SCUBE3: variants seen among roughly 807,000 people sequenced by gnomAD.
The protein encoded by SCUBE3 is signal peptide, CUB and EGF-like domain-containing protein 3.
In SCUBE3, 33 loss-of-function variants were observed where a neutral mutation model predicts 116.8. The observed-to-expected ratio is 0.28, with a 90% CI of 0.21 to 0.38. The LOEUF (loss-of-function observed/expected upper bound fraction) is 0.38, where lower values mean the gene tolerates loss of function less well. Among genes scored for constraint, SCUBE3 ranks in the 10% least tolerant of loss-of-function variants. SCUBE3 has a pLI of 1.00. For synonymous variants in SCUBE3, 418 were observed against 496.9 expected (o/e 0.84, Z 2.11); for missense variants, 1,007 against 1,324.8 (o/e 0.76, Z 3.72).
rs1430261181 is a variant in SCUBE3, at chr6:35,232,553, G to A, written c.470-297G>A. 6.6e-6 allele frequency among the ~76,000 whole-genome samples: 1 copy of A among 152,090 alleles called. No homozygotes were observed. The highest frequency in any genetic ancestry group is 1.5e-5 in the Non-Finnish European group (1 of 68,024). On this transcript the variant is annotated intron_variant, in intron 4 of 21. Transcript: ENST00000274938. The surrounding 1 kb of genome is among the most constrained non-coding windows in gnomAD (Gnocchi z 4.2). ...TCCACCCCATCTCCAGCACAGTGCTGGACACCTATTATACACAATGTTTTG... is the reference window on the plus strand; with the variant it reads ...TCCACCCCATCTCCAGCACAGTGCTAGACACCTATTATACACAATGTTTTG...
rs1254403828 is a variant in SCUBE3, at chr6:35,214,836, CTT to C, written c.85+334_85+335del. On this transcript the variant is annotated intron_variant, in intron 1 of 21. Transcript: ENST00000274938. This position sits in a 1 kb window ranked among gnomAD's most constrained non-coding sequence, Gnocchi z 6.3. ...TCCAAAATCTGAGAGAGAATTTTCTCTTCTCTCAAACATTGCCAGAAACTTAC... is the reference window on the plus strand; with the variant it reads ...TCCAAAATCTGAGAGAGAATTTTCTCCTCTCAAACATTGCCAGAAACTTAC... Among the ~76,000 whole-genome samples the C allele has an allele frequency of 6.6e-6, 1 of 152,230 alleles. No homozygotes were observed. Among genetic ancestry groups the C allele is most frequent in the African/African-American group, 2.4e-5 (1 of 41,456 alleles).
In SCUBE3 at chr6:35,231,801, C is replaced by T. The variant is rs1783562227; in HGVS notation, c.411C>T (p.His137=). Residue 137 remains histidine, a synonymous_variant, in exon 4 of 22, where the codon CAC becomes CAT. Coordinates refer to ENST00000274938, the MANE Select transcript of SCUBE3 (RefSeq NM_152753.4). The surrounding 1 kb of genome is among the most constrained non-coding windows in gnomAD (Gnocchi z 4.2). The stretch of plus-strand genomic sequence containing the variant: ...ACATGATGGGCAGCTATGAGTGCCA[C>T]TGCCGGGAAGGCTTCTTCCTCAGCG... ...CVNMMGSYEC[H]CREGFFLSDN... 6.2e-7 allele frequency: 1 copy of T among 1,613,694 alleles called. No homozygotes were observed. The highest frequency in any genetic ancestry group is 1.1e-5 in the South Asian group (1 of 91,082).
At chr6:35,248,204 T>C (rs1784429437) in intron 21 of SCUBE3, among the ~76,000 whole-genome samples, 1 of 152,234 alleles carries the variant, frequency 6.6e-6, no homozygotes, top group South Asian at 2.1e-4. Flanking sequence ...AGGAGGCTAC[T>C]ACAGTACTCC....
intron 3 of SCUBE3, among the ~76,000 whole-genome samples, chr6:35,230,308 G>A (rs971005183): frequency 6.6e-6 from 1 of 152,154 alleles, no homozygotes; most frequent in South Asian, 2.1e-4. Context: ...GCCCCTGATT[G>A]TCACCACATC....
Position 35,248,997 on chromosome 6 carries a change from T to G in SCUBE3, c.*292T>G. ...AAAGAAACAGTACAGCCCCTTCCAC[T>G]GCCCATTTTACCAGCTCACATTCCC... On this transcript the variant is annotated 3_prime_UTR_variant, in exon 22 of 22. Transcript: ENST00000274938. The G allele has an allele frequency of 9.6e-6, 3 of 311,082 alleles. No individual in the cohort carries two copies. Among genetic ancestry groups the G allele is most frequent in the Non-Finnish European group, 5.9e-6 (1 of 169,210 alleles). 19.3% of individuals were successfully genotyped at this position (311,082 alleles called of 1,614,324 possible). A position where few individuals can be genotyped will look rare whatever the true frequency, so the allele number is the denominator to read the frequency against.
At chr6:35,226,782 C>G (rs944092826) in intron 1 of SCUBE3, among the ~76,000 whole-genome samples, 7 of 152,198 alleles carry the variant, frequency 4.6e-5, no homozygotes, top group Non-Finnish European at 1.0e-4. Context: ...CTGGCATCAT[C>G]TATGTCCTTT....
intron 12 of SCUBE3, 141 bp downstream of exon 12, chr6:35,242,051 T>G: frequency 2.4e-6 from 2 of 837,524 alleles, no homozygotes; most frequent in Non-Finnish European, 4.1e-6. Context: ...GCTCCCTCAC[T>G]CCCTCTGCCC....
chr6:35,227,509 AAG>A, intron 1 of SCUBE3, 69 bp from the exon 2 acceptor site: 1 of 1,571,390 alleles, frequency 6.4e-7, no homozygotes, highest in Admixed American at 1.7e-5. Flanking sequence ...CTGCCCTTGG[AAG>A]CCCACCTTCA....
rs116460601 is a variant in SCUBE3 at position 35,217,917 on chromosome 6, A to G, written c.85+3414A>G. On this transcript the variant is annotated intron_variant, in intron 1 of 21. Coordinates refer to ENST00000274938, the MANE Select transcript of SCUBE3 (RefSeq NM_152753.4). ...TCCCTTTGACCTCTCTTCTCTCATGACATGTCTCAGAGGTGGGGAAAGCCT... is the reference window on the plus strand; with the variant it reads ...TCCCTTTGACCTCTCTTCTCTCATGGCATGTCTCAGAGGTGGGGAAAGCCT... Among the ~76,000 whole-genome samples the G allele has an allele frequency of 7.3e-3, 1,108 of 152,200 alleles. 9 individuals carry two copies. The highest frequency in any genetic ancestry group is 0.016 in the African/African-American group (662 of 41,520).
In SCUBE3 at chr6:35,249,027, C is replaced by T. The variant is rs1784461413; in HGVS notation, c.*322C>T. On this transcript the variant is annotated 3_prime_UTR_variant, in exon 22 of 22. Transcript: ENST00000274938. ...ATTTTACCAGCTCACATTCCCGACC[C>T]CATCAGCTTGGAAGGGTGCTAGAGG... The T allele has an allele frequency of 4.0e-6, 1 of 251,004 alleles. No individual in the cohort carries two copies. Among genetic ancestry groups the T allele is most frequent in the Admixed American group, 5.0e-5 (1 of 19,926 alleles). 15.5% of individuals were successfully genotyped at this position (251,004 alleles called of 1,614,324 possible).
At chr6:35,217,620 C>T (rs964828304) in intron 1 of SCUBE3, among the ~76,000 whole-genome samples, 3 of 151,962 alleles carry the variant, frequency 2.0e-5, no homozygotes, top group African/African-American at 4.8e-5. Context: ...CTTTCCTCCC[C>T]GCTTCCCTGG....
chr6:35,228,583 T>C lies in SCUBE3; in HGVS notation c.209-31T>C. 1 of 1,611,484 alleles carries C rather than the reference T, an allele frequency of 6.2e-7. No individual in the cohort carries two copies. On this transcript the variant is annotated intron_variant, in intron 2 of 21. Transcript: ENST00000274938. This position sits in a 1 kb window ranked among gnomAD's most constrained non-coding sequence, Gnocchi z 4.9. ...GGTGGACAGTGGGTTCGCAGGTGGG[T>C]TCAGCTGTCTCAGCTTCCCTTTGCC...
intron 6 of SCUBE3, among the ~76,000 whole-genome samples, chr6:35,234,514 G>A (rs1406805670): frequency 1.3e-5 from 2 of 152,134 alleles, no homozygotes; most frequent in East Asian, 1.9e-4. Context: ...CCCCTGCCAC[G>A]TTTCCCTCTG....
rs180966540 is a variant in SCUBE3 at position 35,235,436 on chromosome 6, T to C, written c.712+2135T>C. 4.8e-3 allele frequency: 6,189 copies of C among 1,281,648 alleles called. 38 individuals are homozygous for C. The highest frequency in any genetic ancestry group is 0.016 in the African/African-American group (1,032 of 65,910). 79.4% of individuals were successfully genotyped at this position (1,281,648 alleles called of 1,614,324 possible). The stretch of plus-strand genomic sequence containing the variant: ...CAGCACCTAAACAGCTTTTTTACAA[T>C]GTCAAACAGGGGAAAGGCGGCTAGA... On this transcript the variant is annotated intron_variant, in intron 6 of 21. Transcript: ENST00000274938. This position sits in a 1 kb window ranked among gnomAD's most constrained non-coding sequence, Gnocchi z 4.5.
At chr6:35,215,399 CT>C (rs1255246537) in intron 1 of SCUBE3, among the ~76,000 whole-genome samples, 2 of 152,142 alleles carry the variant, frequency 1.3e-5, no homozygotes, top group African/African-American at 4.8e-5. Context: ...GGGACAGTTT[CT>C]CCTCCCCCTT....
In SCUBE3 at chr6:35,244,066, T is replaced by A; in HGVS notation, c.2175T>A (p.Pro725=). The change falls in exon 17 of 22, where the codon CCT becomes CCA. Residue 725 remains proline (P), a synonymous_variant. Transcript: ENST00000274938. The surrounding 1 kb of genome is among the most constrained non-coding windows in gnomAD (Gnocchi z 4.3). ...QPEAGRTLCF[P]CGGGLTTKHE... The stretch of plus-strand genomic sequence containing the variant: ...AAGCAGGACGGACCCTATGCTTCCC[T>A]TGTGGTGGGGGCCTCACCACCAAGC... 1 of 1,614,106 alleles carries A rather than the reference T, an allele frequency of 6.2e-7. No homozygotes were observed. Among genetic ancestry groups the A allele is most frequent in the Non-Finnish European group, 8.5e-7 (1 of 1,179,970 alleles).
At chr6:35,242,439 A>G (rs1784114003) in intron 13 of SCUBE3, 119 bp downstream of exon 13, 10 of 936,418 alleles carry the variant, frequency 1.1e-5, no homozygotes, top group Non-Finnish European at 1.5e-5. Flanking sequence ...GCAGAGGAAA[A>G]AGCAGCTGTA....
chr6:35,245,173 T>C lies in SCUBE3; in HGVS notation c.2402-55T>C, dbSNP rs548226993. 1 of 1,520,580 alleles carries C rather than the reference T, an allele frequency of 6.6e-7. No homozygotes were observed. Among genetic ancestry groups the C allele is most frequent in the African/African-American group, 1.4e-5 (1 of 73,216 alleles). The allele number at this position is 1,520,580 out of a possible 1,614,324, so 94.2% of individuals were successfully genotyped here. A position where few individuals can be genotyped will look rare whatever the true frequency, so the allele number is the denominator to read the frequency against. The stretch of plus-strand genomic sequence containing the variant: ...GAACTCTTCAATTCCCCCAGCACAC[T>C]TCCCCACTGACTTCCCTTCTCTGTC... On this transcript the variant is annotated intron_variant, in intron 18 of 21. Coordinates refer to ENST00000274938, the MANE Select transcript of SCUBE3 (RefSeq NM_152753.4). The surrounding 1 kb of genome is among the most constrained non-coding windows in gnomAD (Gnocchi z 4.2).
intron 1 of SCUBE3, chr6:35,220,548 C>T (rs1165960604): frequency 6.6e-6 from 1 of 152,152 alleles, no homozygotes; most frequent in East Asian, 1.9e-4. Flanking sequence ...TTGATTTTGT[C>T]CATACTGAAA....
Sources: gnomAD v4.1 joint callset for allele counts (sites outside exome capture counted in the v4.1 genomes callset) on GRCh38, gnomAD v4.1.1 for gene constraint, Gnocchi (gnomAD v3.1) non-coding constraint, MANE v1.5 for transcripts, NCBI Gene and HGNC (gene_info 2026-07-23, HGNC 2026-07-21) for gene names.